The following LRRIQ3 variants were observed in gnomAD, a reference collection of about 807,000 sequenced individuals.
LRRIQ3 encodes the protein leucine-rich repeat and IQ domain-containing protein 3.
LRRIQ3 carries 75 observed loss-of-function variants against 59.3 expected under a neutral mutation model. That is an observed-to-expected ratio of 1.26 (90% CI 1.05 to 1.53). The LOEUF (loss-of-function observed/expected upper bound fraction) is 1.53. Among genes scored for constraint, LRRIQ3 ranks in the 40% most tolerant of loss-of-function variants. LRRIQ3 has a pLI of 0.00. For synonymous variants in LRRIQ3, 250 were observed against 231.3 expected, an observed-to-expected ratio of 1.08 and a Z score of -0.73; for missense variants, 831 against 710.0, an observed-to-expected ratio of 1.17 and a Z score of -1.94.
intron 4 of LRRIQ3, 70 bp downstream of exon 4, chr1:74,155,663 T>C (rs1648274363): frequency 1.8e-5 from 26 of 1,407,362 alleles, no homozygotes; most frequent in Non-Finnish European, 2.4e-5. Flanking sequence ...TATTGGAGAA[T>C]TGACTTCTTA....
At chr1:74,162,976 G>C (rs1197416485) in intron 3 of LRRIQ3, among the ~76,000 whole-genome samples, 1 of 151,536 alleles carries the variant, frequency 6.6e-6, no homozygotes, top group Admixed American at 6.6e-5. Context: ...TATAGTTTTA[G>C]ATAGCTAGAA....
rs1650141508 is a variant in LRRIQ3, at chr1:74,183,489, GA to G, written c.195del (p.His66IlefsTer7). ...AATTTTATACAACTTTGAAGTGGATGAATATCTGTAATAAAATTGTTTGAGA... is the reference window on the plus strand; with the variant it reads ...AATTTTATACAACTTTGAAGTGGATGATATCTGTAATAAAATTGTTTGAGA... ...CIFSNNFITD[I>X]HPLQSCIKLI... On this transcript the variant is annotated frameshift_variant, in exon 2 of 8. Transcript: ENST00000354431. LOFTEE classifies it high-confidence loss of function. 6.2e-7 allele frequency: 1 copy of G among 1,609,172 alleles called. No individual in the cohort carries two copies. The highest frequency in any genetic ancestry group is 1.3e-5 in the African/African-American group (1 of 74,696).
At chr1:74,058,247 A>G (rs1257881213) in intron 6 of LRRIQ3, among the ~76,000 whole-genome samples, 2 of 152,096 alleles carry the variant, frequency 1.3e-5, no homozygotes, top group East Asian at 3.9e-4. Context: ...AAATGAAATT[A>G]GTATTCAGAG....
At chr1:74,091,898 T>G (rs752267337) in intron 5 of LRRIQ3, among the ~76,000 whole-genome samples, 1 of 152,150 alleles carries the variant, frequency 6.6e-6, no homozygotes, top group Non-Finnish European at 1.5e-5. Flanking sequence ...TTCTTTAATA[T>G]TCGTTTACCT....
At chr1:74,071,479 C>T (rs114116813) in intron 6 of LRRIQ3, among the ~76,000 whole-genome samples, 2,776 of 152,250 alleles carry the variant, frequency 0.018, 49 homozygotes, top group Middle Eastern at 0.065. Context: ...ATAATCCTCA[C>T]TAGAGACTTT....
chr1:74,181,901 T>C (rs1354534089), intron 3 of LRRIQ3: 1 of 151,826 alleles, frequency 6.6e-6, no homozygotes, highest in Non-Finnish European at 1.5e-5. Flanking sequence ...CACATATCTT[T>C]AGAACATATT....
At chr1:74,031,729 T>C (rs1466023062) in intron 7 of LRRIQ3, among the ~76,000 whole-genome samples, 2 of 152,070 alleles carry the variant, frequency 1.3e-5, no homozygotes, top group African/African-American at 4.8e-5. Context: ...ACCTGCACGT[T>C]GTGCACATGT....
intron 7 of LRRIQ3, among the ~76,000 whole-genome samples, chr1:74,037,523 A>C (rs1653907375): frequency 6.6e-6 from 1 of 152,046 alleles, no homozygotes; most frequent in South Asian, 2.1e-4. Context: ...TTGTAATCCC[A>C]TACTCAGGAG....
intron 4 of LRRIQ3, among the ~76,000 whole-genome samples, chr1:74,126,578 T>G (rs1164065471): frequency 6.6e-6 from 1 of 151,950 alleles, no homozygotes; most frequent in Non-Finnish European, 1.5e-5. Context: ...AAAGAAATTT[T>G]TAAATTTCCT....
chr1:74,114,282 C>A (rs1349270354), intron 4 of LRRIQ3, among the ~76,000 whole-genome samples: 4 of 151,924 alleles, frequency 2.6e-5, no homozygotes, highest in Non-Finnish European at 1.5e-5. Context: ...CAATTATAGT[C>A]ACAAACTGTC....
chr1:74,115,601 T>A (rs1219420651), intron 4 of LRRIQ3, among the ~76,000 whole-genome samples: 2 of 152,144 alleles, frequency 1.3e-5, no homozygotes, highest in Non-Finnish European at 2.9e-5. Context: ...TCCATTAAGA[T>A]CCTGGCTGGA....
intron 3 of LRRIQ3, among the ~76,000 whole-genome samples, chr1:74,176,737 G>T (rs1381197439): frequency 2.0e-5 from 3 of 152,006 alleles, no homozygotes; most frequent in African/African-American, 7.3e-5. Flanking sequence ...CCCAGCAATG[G>T]TAAAAGTCTT....
rs763147786 is a variant in LRRIQ3 at position 74,074,693 on chromosome 1, T to A, written c.965A>T (p.Lys322Ile). ...AATGAGATGTCTTGATGTTTTTGAT[T>A]TCATGCCTAGATCTTTTGGTTTTAA... ...CELKPKDLGMKSKTSRHLIQK... is the reference protein window; with the variant it reads ...CELKPKDLGMISKTSRHLIQK... Residue 322 changes from lysine (K) to isoleucine (I), a missense_variant, in exon 6 of 8, where the codon AAA becomes ATA. Lys to Ile is a moderately radical substitution (Grantham distance 102). Coordinates refer to ENST00000354431, the MANE Select transcript of LRRIQ3 (RefSeq NM_001105659.2). The A allele has an allele frequency of 1.9e-5, 27 of 1,424,830 alleles. No homozygotes were observed. The highest frequency in any genetic ancestry group is 2.5e-5 in the Non-Finnish European group (27 of 1,067,232). 88.3% of individuals were successfully genotyped at this position (1,424,830 alleles called of 1,614,324 possible).
intron 4 of LRRIQ3, among the ~76,000 whole-genome samples, chr1:74,113,732 C>A (rs886064691): frequency 6.6e-6 from 1 of 151,966 alleles, no homozygotes; most frequent in Non-Finnish European, 1.5e-5. Context: ...CAGATCAATA[C>A]AAGCTAAAAT....
chr1:74,168,451 T>C (rs1400211401), intron 3 of LRRIQ3, among the ~76,000 whole-genome samples: 1 of 152,130 alleles, frequency 6.6e-6, no homozygotes, highest in Non-Finnish European at 1.5e-5. Context: ...TCCATCATTT[T>C]ATTTTCAATT....
chr1:74,117,817 C>T (rs1646798166), intron 4 of LRRIQ3, among the ~76,000 whole-genome samples: 2 of 151,892 alleles, frequency 1.3e-5, no homozygotes, highest in African/African-American at 4.8e-5. Context: ...ATCAGTAATA[C>T]AATAATAAAA....
At chr1:74,055,623 G>T (rs945864979) in intron 6 of LRRIQ3, among the ~76,000 whole-genome samples, 1 of 151,978 alleles carries the variant, frequency 6.6e-6, no homozygotes, top group Non-Finnish European at 1.5e-5. Context: ...ATGGATATTT[G>T]ATTTTTTTAT....
At chr1:74,087,640 C>A (rs887459793) in intron 5 of LRRIQ3, among the ~76,000 whole-genome samples, 1 of 151,878 alleles carries the variant, frequency 6.6e-6, no homozygotes, top group African/African-American at 2.4e-5. Context: ...TAAAAACAAT[C>A]TGTGTTGATA....
At chr1:74,142,106 G>C (rs746568839) in intron 4 of LRRIQ3, among the ~76,000 whole-genome samples, 27 of 151,746 alleles carry the variant, frequency 1.8e-4, no homozygotes, top group Non-Finnish European at 4.0e-4. Flanking sequence ...TGCAATGAAC[G>C]TGAGAGTGCA....
Sources: gnomAD v4.1 joint callset for allele counts (sites outside exome capture counted in the v4.1 genomes callset) on GRCh38, gnomAD v4.1.1 for gene constraint, MANE v1.5 for transcripts, NCBI Gene and HGNC (gene_info 2026-07-23, HGNC 2026-07-21) for gene names.